HMCN1: variants seen among roughly 807,000 people sequenced by gnomAD.
The protein encoded by HMCN1 is hemicentin-1.
HMCN1 carries 321 observed loss-of-function variants against 625.9 expected under a neutral mutation model. The observed-to-expected ratio is 0.51, with a 90% confidence interval of 0.47 to 0.56. The LOEUF (loss-of-function observed/expected upper bound fraction) is 0.56, where lower values mean the gene tolerates loss of function less well. Among genes scored for constraint, HMCN1 ranks in the 20% least tolerant of loss-of-function variants. HMCN1 has a pLI of 0.00. For missense variants in HMCN1, 6,588 were observed against 6,887.3 expected (o/e 0.96, Z 1.54); for synonymous variants, 2,425 against 2,417.6 (o/e 1.00, Z -0.09).
intron 1 of HMCN1, among the ~76,000 whole-genome samples, chr1:185,745,145 T>C (rs1654299925): frequency 6.6e-6 from 1 of 152,164 alleles, no homozygotes; most frequent in South Asian, 2.1e-4. Flanking sequence ...AGACACAACG[T>C]TACTCCCAGG....
intron 1 of HMCN1, among the ~76,000 whole-genome samples, chr1:185,745,158 A>C (rs1654301397): frequency 6.6e-6 from 1 of 152,230 alleles, no homozygotes; most frequent in Admixed American, 6.5e-5. Context: ...CTCCCAGGCC[A>C]GTAAGTGCTG....
intron 97 of HMCN1, among the ~76,000 whole-genome samples, chr1:186,164,051 A>G (rs1423750442): frequency 2.6e-5 from 4 of 152,200 alleles, no homozygotes; most frequent in African/African-American, 9.7e-5. Context: ...CTAAGTGGAA[A>G]CTAAATAGTG....
At chr1:186,129,387 TTAAA>T (rs1361558558) in intron 83 of HMCN1, among the ~76,000 whole-genome samples, 4 of 151,234 alleles carry the variant, frequency 2.6e-5, no homozygotes, top group African/African-American at 9.7e-5. Flanking sequence ...TCATAAATTT[TTAAA>T]TAAAATATAT....
intron 1 of HMCN1, among the ~76,000 whole-genome samples, chr1:185,797,548 TCTC>T (rs2102215950): frequency 6.6e-6 from 1 of 152,342 alleles, no homozygotes; most frequent in Non-Finnish European, 1.5e-5. Flanking sequence ...CTCAAGCAGT[TCTC>T]CTACCTTGGC....
Position 185,982,355 on chromosome 1 carries a change from T to A in HMCN1, c.2756T>A (p.Ile919Asn). ...TGTACTCTGTTAGCTGGAAATCCCATTCCAGAACGTCGGTGGATTAAGAAT... is the reference window on the plus strand; with the variant it reads ...TGTACTCTGTTAGCTGGAAATCCCAATCCAGAACGTCGGTGGATTAAGAAT... ...LPCTLLAGNP[I>N]PERRWIKNSA... The change falls in exon 18 of 107, where the codon ATT becomes AAT. Residue 919 changes from isoleucine to asparagine, a missense_variant. By Grantham distance (149) the Ile-to-Asn change is moderately radical (BLOSUM62 -3). Transcript: ENST00000271588. The A allele has an allele frequency of 6.2e-7, 1 of 1,613,810 alleles. No individual in the cohort carries two copies. The highest frequency in any genetic ancestry group is 8.5e-7 in the Non-Finnish European group (1 of 1,179,728).
chr1:185,855,749 A>G (rs1364597788), intron 2 of HMCN1, among the ~76,000 whole-genome samples: 1 of 152,198 alleles, frequency 6.6e-6, no homozygotes, highest in Non-Finnish European at 1.5e-5. Flanking sequence ...TACCAGTGAC[A>G]GGTGATAATC....
chr1:185,897,231 A>T (rs1185709844), intron 4 of HMCN1, among the ~76,000 whole-genome samples: 1 of 152,108 alleles, frequency 6.6e-6, no homozygotes, highest in Non-Finnish European at 1.5e-5. Flanking sequence ...TCTAACTGCC[A>T]CATTATTGAT....
At chr1:186,140,078 A>T (rs1217692076) in intron 89 of HMCN1, among the ~76,000 whole-genome samples, 1 of 152,202 alleles carries the variant, frequency 6.6e-6, no homozygotes, top group Non-Finnish European at 1.5e-5. Context: ...AAACAAGGAC[A>T]TTCTCTTTCA....
chr1:185,959,146 C>A (rs532334268), intron 11 of HMCN1, among the ~76,000 whole-genome samples: 9 of 152,248 alleles, frequency 5.9e-5, no homozygotes, highest in Middle Eastern at 3.4e-3. Flanking sequence ...GTAATTAAAT[C>A]ATTTGCATTA....
chr1:186,171,549 T>C (rs758558732), intron 101 of HMCN1, 99 bp downstream of exon 101: 92 of 939,942 alleles, frequency 9.8e-5, no homozygotes, highest in Non-Finnish European at 1.5e-4. Context: ...CTGGTTCCTA[T>C]ATAGGACATC....
chr1:185,778,287 G>A (rs1656766271), intron 1 of HMCN1, among the ~76,000 whole-genome samples: 1 of 151,876 alleles, frequency 6.6e-6, no homozygotes, highest in Non-Finnish European at 1.5e-5. Flanking sequence ...TACCCTCTGT[G>A]TGTTTCTCTA....
chr1:185,949,783 T>C (rs924017704), intron 11 of HMCN1, among the ~76,000 whole-genome samples: 2 of 151,694 alleles, frequency 1.3e-5, no homozygotes, highest in African/African-American at 4.8e-5. Context: ...GTTATCTGAC[T>C]CGGCATGTTG....
chr1:186,033,064 GCACACACACA>G (rs61063202), intron 36 of HMCN1, among the ~76,000 whole-genome samples: 11 of 140,396 alleles, frequency 7.8e-5, no homozygotes, highest in South Asian at 2.3e-4. Context: ...ATACACACAC[GCACACACACA>G]CACACACACA....
At chr1:186,178,905 T>C in intron 104 of HMCN1, 139 bp downstream of exon 104, 1 of 721,706 alleles carries the variant, frequency 1.4e-6, no homozygotes. Context: ...TCAAGACATT[T>C]ATTTTGGCAC....
At chr1:185,931,127 T>C (rs2102491862) in intron 10 of HMCN1, among the ~76,000 whole-genome samples, 1 of 152,278 alleles carries the variant, frequency 6.6e-6, no homozygotes, top group Non-Finnish European at 1.5e-5. Flanking sequence ...AGAAAGCAAG[T>C]GACCCATTTA....
chr1:186,120,193 A>G, intron 80 of HMCN1, 48 bp downstream of exon 80: 2 of 1,576,978 alleles, frequency 1.3e-6, no homozygotes, highest in South Asian at 2.3e-5. Flanking sequence ...TGTTTGTAAC[A>G]ATGTCTACCA....
rs140425389 is a variant in HMCN1, at chr1:186,039,707, A to T, written c.6029-21A>T. The T allele has an allele frequency of 7.6e-5, 123 of 1,611,814 alleles. No homozygotes were observed. The East Asian group carries it at 2.7e-3, about 36-fold the overall frequency. ...AAATCCTGTGATATTAACGTGTCTT[A>T]CTTTCATTTGTTTTTTTCAGTGGCC... is the stretch of plus-strand genomic sequence containing the variant. On this transcript the variant is annotated intron_variant, in intron 38 of 106. Transcript: ENST00000271588.
intron 93 of HMCN1, among the ~76,000 whole-genome samples, chr1:186,148,620 T>G (rs1398626137): frequency 6.6e-6 from 1 of 152,148 alleles, no homozygotes; most frequent in Non-Finnish European, 1.5e-5. Context: ...GCGATTCTCC[T>G]GTCTCAGCCT....
At chr1:185,964,955 A>AAGCTAT (rs1238478923) in intron 13 of HMCN1, among the ~76,000 whole-genome samples, 1 of 152,110 alleles carries the variant, frequency 6.6e-6, no homozygotes, top group Non-Finnish European at 1.5e-5. Flanking sequence ...GTTAAAAAAA[A>AAGCTAT]AGCTATGCAC....
Sources: allele counts gnomAD v4.1 joint callset (sites outside exome capture counted in the v4.1 genomes callset), GRCh38; gene constraint gnomAD v4.1.1; transcripts MANE v1.5; gene names NCBI Gene and HGNC (gene_info 2026-07-23, HGNC 2026-07-21).